GPRC5C: variants seen among roughly 807,000 people sequenced by gnomAD.
GPRC5C encodes G protein-coupled receptor class C group 5 member C, also known as G protein-coupled receptor family C group 5 member C.
GPRC5C carries 22 observed loss-of-function variants against 31.4 expected under a neutral mutation model. The ratio of observed to expected loss-of-function variants is 0.70; its 90% CI spans 0.50 to 1.00. The LOEUF (loss-of-function observed/expected upper bound fraction) is 1.00. GPRC5C is among the 50% of genes least tolerant of loss of function. The pLI, the probability that GPRC5C is intolerant of heterozygous loss-of-function variation, is 0.00. For synonymous variants in GPRC5C, 249 were observed against 257.5 expected, an observed-to-expected ratio of 0.97 and a Z score of 0.32; for missense variants, 557 against 597.2, an observed-to-expected ratio of 0.93 and a Z score of 0.70.
chr17:74,448,713 A>G, downstream of GPRC5C: 1 of 461,624 alleles, frequency 2.2e-6, no homozygotes, highest in Non-Finnish European at 4.2e-6. Context: ...GCTGCCCTGG[A>G]AGGTGGGAAG....
chr17:74,446,738 G>A (rs1200747394), intron 3 of GPRC5C, 111 bp from the exon 4 acceptor site: 14 of 821,434 alleles, frequency 1.7e-5, no homozygotes, highest in Middle Eastern at 2.8e-4. Flanking sequence ...GCCGAGGGGG[G>A]AGTTGGGGGG....
intron 1 of GPRC5C, among the ~76,000 whole-genome samples, chr17:74,435,177 C>T (rs955010020): frequency 6.6e-6 from 1 of 152,212 alleles, no homozygotes; most frequent in Admixed American, 6.5e-5. Flanking sequence ...CGAGATCACG[C>T]CACTGCGCTC....
chr17:74,440,609 C>T lies in GPRC5C; in HGVS notation c.833C>T (p.Pro278Leu), dbSNP rs758358806. The T allele has an allele frequency of 5.0e-6, 8 of 1,610,624 alleles. No homozygotes were observed. In the Admixed American group the frequency reaches 6.7e-5, roughly 13 times the overall value. Residue 278 changes from proline (P) to leucine (L), a missense_variant, in exon 2 of 4, where the codon CCC (proline) becomes CTC (leucine). Pro to Leu is a moderately conservative substitution (Grantham distance 98, BLOSUM62 -3). Coordinates refer to ENST00000392627, the MANE Select transcript of GPRC5C (RefSeq NM_022036.4). The surrounding 1 kb of genome is among the most constrained non-coding windows in gnomAD (Gnocchi z 4.4). ...KQHNSPTWDD[P>L]TLAIALAANA... ...CACAACAGTCCCACCTGGGATGACC[C>T]CACGCTGGCCATCGCCCTCGCCGCC... is the stretch of plus-strand genomic sequence containing the variant.
At chr17:74,449,396 C>G (rs779162879), downstream of GPRC5C, 182 of 1,258,032 alleles carry the variant, frequency 1.4e-4, no homozygotes, top group Middle Eastern at 6.5e-4. Context: ...TGCACGGCAT[C>G]CTGATCCTCA....
chr17:74,446,632 G>C, intron 3 of GPRC5C: 1 of 554,238 alleles, frequency 1.8e-6, no homozygotes, highest in Non-Finnish European at 3.2e-6. Flanking sequence ...AGGTCAGCAG[G>C]GGCCTCGTTC....
rs890452684 is a variant in GPRC5C, at chr17:74,446,654, G to C, written c.1147-195G>C. ...CAGGGGCCTCGTTCCCATGCCCAGA[G>C]GCAGGGTGAGATAAGGGGCTCAGGT... On this transcript the variant is annotated intron_variant, in intron 3 of 3. Transcript: ENST00000392627. 8.7e-6 allele frequency: 5 copies of C among 572,444 alleles called. No individual in the cohort carries two copies. In the African/African-American group the frequency reaches 9.4e-5, roughly 11 times the overall value. The allele number at this position is 572,444 out of a possible 1,614,324, so 35.5% of individuals were successfully genotyped here.
At chr17:74,449,002 A>AG (rs574537076), downstream of GPRC5C, 53 of 866,936 alleles carry the variant, frequency 6.1e-5, no homozygotes, top group African/African-American at 8.2e-4. Flanking sequence ...AGACTTTGCC[A>AG]GGGGGCTGCC....
chr17:74,437,998 T>C (rs1444851920), intron 1 of GPRC5C, among the ~76,000 whole-genome samples: 1 of 151,960 alleles, frequency 6.6e-6, no homozygotes, highest in African/African-American at 2.4e-5. Flanking sequence ...GTATAACCTG[T>C]TTCTTTAAGC....
intron 1 of GPRC5C, 139 bp from the exon 2 acceptor site, chr17:74,439,606 G>A: frequency 2.6e-6 from 2 of 768,496 alleles, no homozygotes; most frequent in Admixed American, 4.9e-5. Context: ...TCTATGTTAA[G>A]AAGGATTCTG....
At position 74,447,201 on chromosome 17, in the gene GPRC5C, A is replaced by G. The variant is rs999786367; in HGVS notation, c.*173A>G. ...TTGGGTGGGTGTCATGGGTGTCCCC[A>G]CCCACTCCTCAGTGTTTGTGGAGTC... On this transcript the variant is annotated 3_prime_UTR_variant, in exon 4 of 4. Transcript: ENST00000392627. 7.9e-6 allele frequency: 11 copies of G among 1,390,602 alleles called. No individual in the cohort carries two copies. In the African/African-American group the frequency reaches 1.6e-4, roughly 20 times the overall value. 86.1% of individuals were successfully genotyped at this position (1,390,602 alleles called of 1,614,324 possible).
At chr17:74,435,506 C>G (rs1356693798) in intron 1 of GPRC5C, among the ~76,000 whole-genome samples, 1 of 148,934 alleles carries the variant, frequency 6.7e-6, no homozygotes, top group Non-Finnish European at 1.5e-5. Flanking sequence ...AAAGCAGCAG[C>G]CTGGCTGCTG....
chr17:74,432,145 A>T lies in GPRC5C; in HGVS notation c.-33+4A>T. Reference sequence around the variant, plus strand: ...TACGAGTCGGCTCAGCCTGGAGGTGAGTCGGGGCGGGGAGGGCCGGGCAGG... The same window carrying T: ...TACGAGTCGGCTCAGCCTGGAGGTGTGTCGGGGCGGGGAGGGCCGGGCAGG... On this transcript the variant is annotated splice_donor_region_variant and intron_variant, in intron 1 of 3. Coordinates refer to ENST00000392627, the MANE Select transcript of GPRC5C (RefSeq NM_022036.4). 6.2e-7 allele frequency: 1 copy of T among 1,611,530 alleles called. No individual in the cohort carries two copies. The highest frequency in any genetic ancestry group is 2.2e-5 in the East Asian group (1 of 44,754).
In GPRC5C at chr17:74,447,099, C is replaced by T. The variant is rs2055652234; in HGVS notation, c.*71C>T. On this transcript the variant is annotated 3_prime_UTR_variant, in exon 4 of 4. Transcript: ENST00000392627. ...AGGACCTGGCCCCGGGCAAGGGACT[C>T]TCCAGGCTCCTCCTCCCCCTGGCAG... 7 of 1,528,670 alleles carry T rather than the reference C, an allele frequency of 4.6e-6. No homozygotes were observed. The highest frequency in any genetic ancestry group is 6.2e-6 in the Non-Finnish European group (7 of 1,136,070). The allele number at this position is 1,528,670 out of a possible 1,614,324, so 94.7% of individuals were successfully genotyped here.
In GPRC5C at chr17:74,443,828, G is replaced by T; in HGVS notation, c.1062G>T (p.Pro354=). The T allele has an allele frequency of 6.2e-7, 1 of 1,610,772 alleles. No homozygotes were observed. Among genetic ancestry groups the T allele is most frequent in the Non-Finnish European group, 8.5e-7 (1 of 1,176,994 alleles). The change falls in exon 3 of 4, where the codon CCG becomes CCT. Residue 354 remains proline (P), a synonymous_variant. Coordinates refer to ENST00000392627, the MANE Select transcript of GPRC5C (RefSeq NM_022036.4). ...SMDEPVAAKR[P]VSPYSGYNGQ... ...TGCTTTTCCTTGTAGCTAAGAGGCC[G>T]GTGTCACCATACAGCGGGTACAATG...
At chr17:74,436,568 A>C (rs2055434074) in intron 1 of GPRC5C, among the ~76,000 whole-genome samples, 1 of 152,126 alleles carries the variant, frequency 6.6e-6, no homozygotes, top group Admixed American at 6.5e-5. Flanking sequence ...GATAGATTTT[A>C]AATGCCATCA....
intron 1 of GPRC5C, among the ~76,000 whole-genome samples, chr17:74,434,901 C>G (rs2055409373): frequency 6.7e-6 from 1 of 149,532 alleles, no homozygotes; most frequent in South Asian, 2.1e-4. Flanking sequence ...CCAGTCTGGG[C>G]AACAAGAGTG....
At chr17:74,448,868 T>C (rs1273133321), downstream of GPRC5C, 10 of 1,289,706 alleles carry the variant, frequency 7.8e-6, no homozygotes, top group Non-Finnish European at 1.0e-5. Flanking sequence ...CAACCAGGTT[T>C]TCCTAAGACT....
In GPRC5C at chr17:74,443,645, G is replaced by C. The variant is rs768073454; in HGVS notation, c.1052-173G>C. Reference sequence around the variant, plus strand: ...GTGCTAGGCTTGGGAGGGGGCCCCCGTGTTCACAACCTCACCCCCAAGTTG... The same window carrying C: ...GTGCTAGGCTTGGGAGGGGGCCCCCCTGTTCACAACCTCACCCCCAAGTTG... On this transcript the variant is annotated intron_variant, in intron 2 of 3. Coordinates refer to ENST00000392627, the MANE Select transcript of GPRC5C (RefSeq NM_022036.4). 2.2e-5 allele frequency: 15 copies of C among 696,264 alleles called. No homozygotes were observed. In the East Asian group the frequency reaches 3.6e-4, roughly 17 times the overall value. 43.1% of individuals were successfully genotyped at this position (696,264 alleles called of 1,614,324 possible).
At chr17:74,446,504 C>A in intron 3 of GPRC5C, 1 of 212,104 alleles carries the variant, frequency 4.7e-6, no homozygotes, top group Non-Finnish European at 9.3e-6. Context: ...CTATGTCAGA[C>A]AGGTAGTAGC....
Sources: allele counts gnomAD v4.1 joint callset (sites outside exome capture counted in the v4.1 genomes callset), GRCh38; gene constraint gnomAD v4.1.1; non-coding constraint Gnocchi (gnomAD v3.1); transcripts MANE v1.5; gene names NCBI Gene and HGNC (gene_info 2026-07-23, HGNC 2026-07-21).